NAPRT: variants seen among roughly 807,000 people sequenced by gnomAD.
NAPRT encodes FHA-HIT-interacting protein.
In NAPRT, 66 loss-of-function variants were observed where a neutral mutation model predicts 60.7. The ratio of observed to expected loss-of-function variants is 1.09; its 90% CI spans 0.89 to 1.33. NAPRT has a LOEUF of 1.33. Among genes scored for constraint, NAPRT ranks in the 40% most tolerant of loss-of-function variants. The pLI is 0.00. For missense variants in NAPRT, 818 were observed against 731.5 expected (o/e 1.12, Z -1.36); for synonymous variants, 405 against 335.7 (o/e 1.21, Z -2.26).
Position 143,575,604 on chromosome 8 carries a change from C to T in NAPRT, c.1188+18G>A, listed in dbSNP as rs777495975. ...CCCTCAGACCTGCCCCCACCTGGGC[C>T]CCCGACACTGTCCCTACCTTATAGA... On this transcript the variant is annotated intron_variant, in intron 9 of 12. Transcript: ENST00000449291. The T allele has an allele frequency of 6.3e-7, 1 of 1,587,508 alleles. No individual in the cohort carries two copies. Among genetic ancestry groups the T allele is most frequent in the Admixed American group, 1.8e-5 (1 of 56,736 alleles).
At chr8:143,573,175 GC>G (rs1479022985), downstream of NAPRT, among the ~76,000 whole-genome samples, 2 of 152,096 alleles carry the variant, frequency 1.3e-5, no homozygotes, top group Non-Finnish European at 2.9e-5. Flanking sequence ...TGGGCCTGGG[GC>G]TAGGGGCTGG....
At chr8:143,573,188 CCCGCCCCCTGCACGCTGGCT>C (rs1348611922), downstream of NAPRT, among the ~76,000 whole-genome samples, 240 of 152,118 alleles carry the variant, frequency 1.6e-3, 1 homozygote, top group African/African-American at 4.1e-3. Context: ...AGGGGCTGGC[CCCGCCCCCTGCACGCTGGCT>C]CCGCCCCCTG....
intron 3 of NAPRT, 24 bp downstream of exon 3, chr8:143,577,633 C>T (rs905508908): frequency 4.6e-6 from 7 of 1,535,176 alleles, no homozygotes; most frequent in African/African-American, 1.4e-5. Flanking sequence ...TGCCCACGCT[C>T]CCTGCCAGTG....
Position 143,577,323 on chromosome 8 carries a change from G to C in NAPRT, c.514C>G (p.Arg172Gly). 1 of 1,605,390 alleles carries C rather than the reference G, an allele frequency of 6.2e-7. No individual in the cohort carries two copies. The highest frequency in any genetic ancestry group is 8.5e-7 in the Non-Finnish European group (1 of 1,177,074). ...EKRLLEMGLR[R>G]AQGPDGGLTA... ...AGGCCCCCATCGGGGCCCTGAGCCC[G>C]CCTCAGGCCCATCTCTAGCAGCCGC... Residue 172 changes from arginine (R) to glycine (G), a missense_variant, in exon 4 of 13, where the codon CGG (arginine) becomes GGG (glycine). Transcript: ENST00000449291.
intron 8 of NAPRT, 56 bp from the exon 9 acceptor site, chr8:143,575,758 G>A: frequency 4.0e-6 from 5 of 1,248,552 alleles, no homozygotes; most frequent in Non-Finnish European, 5.6e-6. Context: ...GGAAGGGGGT[G>A]GCACTGCCCT....
chr8:143,574,925 G>A (rs993947631), intron 12 of NAPRT, 25 bp from the exon 13 acceptor site: 76 of 1,550,306 alleles, frequency 4.9e-5, no homozygotes, highest in South Asian at 4.4e-4. Context: ...GGACAGGAGC[G>A]GTGGGCAGGG....
intron 3 of NAPRT, 21 bp from the exon 4 acceptor site, chr8:143,577,420 GGGGGTCCCA>G: frequency 6.3e-7 from 1 of 1,595,160 alleles, no homozygotes; most frequent in South Asian, 1.1e-5. Flanking sequence ...CCAAGAGTCA[GGGGGTCCCA>G]GGGTGAGGAT....
Position 143,577,305 on chromosome 8 carries a change from C to T in NAPRT, c.532G>A (p.Gly178Arg), listed in dbSNP as rs758063278. ...CTGTAGGTGGAGGCTGTCAGGCCCC[C>T]ATCGGGGCCCTGAGCCCGCCTCAGG... ...MGLRRAQGPD[G>R]GLTASTYSYL... Residue 178 changes from glycine to arginine, a missense_variant, in exon 4 of 13, where the codon GGG (glycine) becomes AGG (arginine). By Grantham distance (125) the Gly-to-Arg change is moderately radical. Transcript: ENST00000449291. The T allele has an allele frequency of 1.7e-5, 28 of 1,606,762 alleles. No homozygotes were observed. The highest frequency in any genetic ancestry group is 2.3e-5 in the Non-Finnish European group (27 of 1,177,630).
In NAPRT at chr8:143,576,122, T is replaced by G; in HGVS notation, c.1063A>C (p.Ser355Arg). 6.2e-7 allele frequency: 1 copy of G among 1,606,608 alleles called. No homozygotes were observed. Among genetic ancestry groups the G allele is most frequent in the Middle Eastern group, 1.7e-4 (1 of 6,048 alleles). The change falls in exon 8 of 13, where the codon AGC becomes CGC. Residue 355 changes from serine to arginine, a missense_variant. Physicochemically the swap from Ser to Arg is moderately radical, Grantham distance 110. Transcript: ENST00000449291. ...PWLESVLIVV[S>R]NNIDEEALAR... ...AGCGCCTCCTCGTCAATGTTGTTGC[T>G]GACTACGATGAGGACTGACTCCAGC...
At chr8:143,574,601 C>T, downstream of NAPRT, 1 of 610,552 alleles carries the variant, frequency 1.6e-6, no homozygotes, top group East Asian at 2.8e-5. Flanking sequence ...AGCCGGGGAA[C>T]TCCTCACTGC....
chr8:143,575,137 C>T, intron 11 of NAPRT, 44 bp from the exon 12 acceptor site: 1 of 1,569,568 alleles, frequency 6.4e-7, no homozygotes, highest in Non-Finnish European at 8.6e-7. Context: ...GGCTAGCTCC[C>T]AGTCAGGGCT....
At chr8:143,576,872 G>A (rs376393105) in intron 5 of NAPRT, 30 bp from the exon 6 acceptor site, 13 of 1,573,356 alleles carry the variant, frequency 8.3e-6, no homozygotes, top group East Asian at 2.3e-5. Flanking sequence ...AAGAATGGGG[G>A]CCAGGAATGC....
rs762346205 is a variant in NAPRT, at chr8:143,576,513, G to A, written c.941C>T (p.Ala314Val). The change falls in exon 7 of 13, where the codon GCA (alanine) becomes GTA (valine). Residue 314 changes from alanine to valine, a missense_variant. By Grantham distance (64) the Ala-to-Val change is moderately conservative (BLOSUM62 0). Transcript: ENST00000449291. ...ALALGELGYR[A>V]VGVRLDSGDL... ...ACCACTGTCCAGCCTCACGCCCACT[G>A]CCCGGTAGCCCAGCTCTCCCAGGGC... 3.1e-6 allele frequency: 5 copies of A among 1,612,408 alleles called. No homozygotes were observed. The highest frequency in any genetic ancestry group is 4.2e-6 in the Non-Finnish European group (5 of 1,179,778).
intron 5 of NAPRT, 109 bp from the exon 6 acceptor site, chr8:143,576,951 T>C: frequency 6.7e-7 from 1 of 1,499,134 alleles, no homozygotes; most frequent in Non-Finnish European, 9.1e-7. Context: ...CCGTGCCAGC[T>C]TCCTGGGACA....
Position 143,577,962 on chromosome 8 carries a change from C to A in NAPRT, c.227-19G>T, listed in dbSNP as rs757043920. On this transcript the variant is annotated intron_variant, in intron 1 of 12. Coordinates refer to ENST00000449291, the MANE Select transcript of NAPRT (RefSeq NM_145201.6). ...TGCACGTCTGGAAACGAGGTAACTGCGCTGAGACCAGCGCGGGGACAGACC... is the reference window on the plus strand; with the variant it reads ...TGCACGTCTGGAAACGAGGTAACTGAGCTGAGACCAGCGCGGGGACAGACC... The A allele has an allele frequency of 1.2e-6, 2 of 1,602,480 alleles. No homozygotes were observed. The highest frequency in any genetic ancestry group is 4.5e-5 in the East Asian group (2 of 44,650).
rs1387904478 is a variant in NAPRT at position 143,577,750 on chromosome 8, A to G, written c.355-11T>C. 6.4e-7 allele frequency: 1 copy of G among 1,555,366 alleles called. No individual in the cohort carries two copies. The highest frequency in any genetic ancestry group is 8.7e-7 in the Non-Finnish European group (1 of 1,152,616). ...CTGCAGGAGCGGCACCTGCGGGGAGAGAAGTCAGCTCCGCGCTCGGCCCAG... is the reference window on the plus strand; with the variant it reads ...CTGCAGGAGCGGCACCTGCGGGGAGGGAAGTCAGCTCCGCGCTCGGCCCAG... On this transcript the variant is annotated splice_polypyrimidine_tract_variant and intron_variant, in intron 2 of 12. Transcript: ENST00000449291.
At chr8:143,573,184 T>G (rs1369021536), downstream of NAPRT, among the ~76,000 whole-genome samples, 2 of 151,926 alleles carry the variant, frequency 1.3e-5, no homozygotes, top group Non-Finnish European at 2.9e-5. Flanking sequence ...GGCTAGGGGC[T>G]GGCCCCGCCC....
chr8:143,574,998 A>G lies in NAPRT; in HGVS notation c.1542T>C (p.Pro514=). 6.5e-7 allele frequency: 1 copy of G among 1,529,560 alleles called. No homozygotes were observed. Among genetic ancestry groups the G allele is most frequent in the Non-Finnish European group, 8.8e-7 (1 of 1,134,854 alleles). 94.7% of individuals were successfully genotyped at this position (1,529,560 alleles called of 1,614,324 possible). Residue 514 remains proline (P), a synonymous_variant, in exon 12 of 13, where the codon CCT becomes CCC. Coordinates refer to ENST00000449291, the MANE Select transcript of NAPRT (RefSeq NM_145201.6). ...GCCTCCCCCCAACCTGGTACTGTGC[A>G]GGGCTCCGCAGCCGCCTGTGCTCAG... ...LSPEHRRLRS[P]AQYQVVLSER...
chr8:143,577,261 A>G lies in NAPRT; in HGVS notation c.568+8T>C, dbSNP rs978931798. On this transcript the variant is annotated splice_region_variant and intron_variant, in intron 4 of 12. Transcript: ENST00000449291. ...CGGCCCTTGCCTTGCCCCGCACCAG[A>G]CACTCACCGCCCAGGTAGCTGTAGG... is the stretch of plus-strand genomic sequence containing the variant. 1.9e-6 allele frequency: 3 copies of G among 1,608,548 alleles called. No individual in the cohort carries two copies. In the Admixed American group the frequency reaches 5.0e-5, roughly 27 times the overall value.
Sources: gnomAD v4.1 joint callset for allele counts (sites outside exome capture counted in the v4.1 genomes callset) on GRCh38, gnomAD v4.1.1 for gene constraint, MANE v1.5 for transcripts, NCBI Gene and HGNC (gene_info 2026-07-23, HGNC 2026-07-21) for gene names.